SCYL3: variants seen among roughly 807,000 people sequenced by gnomAD.
SCYL3 encodes protein-associating with the carboxyl-terminal domain of ezrin.
A neutral mutation model predicts 73.8 loss-of-function variants in SCYL3; 35 were observed. The observed-to-expected ratio is 0.47, with a 90% CI of 0.36 to 0.63. The LOEUF is 0.63. Ranked by LOEUF, SCYL3 falls within the 20% of genes least tolerant of loss-of-function variation. The pLI is 0.00. For missense variants in SCYL3, 712 were observed against 798.9 expected, an observed-to-expected ratio of 0.89 and a Z score of 1.31; for synonymous variants, 277 against 295.2, an observed-to-expected ratio of 0.94 and a Z score of 0.63.
intron 1 of SCYL3, among the ~76,000 whole-genome samples, chr1:169,889,134 C>T (rs1335641008): frequency 6.6e-6 from 1 of 152,174 alleles, no homozygotes; most frequent in Non-Finnish European, 1.5e-5. Context: ...CCCCAAACTC[C>T]ACCACATACA....
chr1:169,875,712 G>C (rs935292846), intron 4 of SCYL3, among the ~76,000 whole-genome samples: 1 of 152,112 alleles, frequency 6.6e-6, no homozygotes, highest in South Asian at 2.1e-4. Context: ...AGAGAGGAGG[G>C]GCATTTAACT....
chr1:169,873,813 T>C, intron 4 of SCYL3, 61 bp from the exon 5 acceptor site: 1 of 1,164,910 alleles, frequency 8.6e-7, no homozygotes, highest in Non-Finnish European at 1.3e-6. Context: ...ACTAATCTCT[T>C]ACATCAGGTT....
At chr1:169,889,217 C>G (rs1431873668) in intron 1 of SCYL3, among the ~76,000 whole-genome samples, 2 of 152,152 alleles carry the variant, frequency 1.3e-5, no homozygotes, top group African/African-American at 4.8e-5. Context: ...TGTATATCCT[C>G]ACTCACAAAG....
chr1:169,891,291 T>C (rs1662068437), intron 1 of SCYL3, among the ~76,000 whole-genome samples: 1 of 152,162 alleles, frequency 6.6e-6, no homozygotes, highest in South Asian at 2.1e-4. Context: ...AGCTTAGTCA[T>C]ACTTAGGGGG....
Position 169,866,915 on chromosome 1 carries a change from C to T in SCYL3, c.796G>A (p.Glu266Lys). ...LKSLTLKSEE[E>K]KTEFFKFLLD... ...ACTTACTTAAAGAATTCCGTTTTCT[C>T]CTCTTCACTCTTCAATGTTAAACTT... The change falls in exon 8 of 13, where the codon GAG becomes AAG. Residue 266 changes from glutamate to lysine, a missense_variant. Transcript: ENST00000367771. 1.9e-6 allele frequency: 3 copies of T among 1,576,440 alleles called. No homozygotes were observed. In the East Asian group the frequency reaches 6.7e-5, roughly 35 times the overall value.
chr1:169,867,677 C>G (rs1266352520), intron 7 of SCYL3, among the ~76,000 whole-genome samples: 1 of 152,214 alleles, frequency 6.6e-6, no homozygotes, highest in Non-Finnish European at 1.5e-5. Flanking sequence ...GCAAAGATGT[C>G]TAAACTTAAA....
intron 3 of SCYL3, among the ~76,000 whole-genome samples, chr1:169,877,527 A>G (rs756080043): frequency 2.0e-5 from 3 of 152,260 alleles, no homozygotes; most frequent in Non-Finnish European, 4.4e-5. Context: ...ATACTCCAAA[A>G]GATAAATATT....
intron 3 of SCYL3, among the ~76,000 whole-genome samples, chr1:169,878,064 A>T (rs1274060963): frequency 6.6e-6 from 1 of 152,216 alleles, no homozygotes; most frequent in East Asian, 1.9e-4. Flanking sequence ...ACCAGAAGTA[A>T]ACCTAGGAAC....
chr1:169,854,976 A>ATAAT lies in SCYL3; in HGVS notation c.1313-16_1313-13dup. ...AGAAAATGGATCGCCTGTAGGGAAA[A>ATAAT]TAATTATTCTCATAAAATACTGGTT... is the stretch of plus-strand genomic sequence containing the variant. On this transcript the variant is annotated splice_polypyrimidine_tract_variant and intron_variant, in intron 11 of 12. Transcript: ENST00000367771. The ATAAT allele has an allele frequency of 6.5e-7, 1 of 1,548,928 alleles. No individual in the cohort carries two copies. Among genetic ancestry groups the ATAAT allele is most frequent in the Non-Finnish European group, 8.8e-7 (1 of 1,138,132 alleles).
In SCYL3 at chr1:169,849,631, T is replaced by C. The variant is rs777838567; in HGVS notation, c.*4082A>G. The C allele has an allele frequency of 2.7e-6, 4 of 1,507,550 alleles. No individual in the cohort carries two copies. Among genetic ancestry groups the C allele is most frequent in the Non-Finnish European group, 3.7e-6 (4 of 1,085,234 alleles). The allele number at this position is 1,507,550 out of a possible 1,614,324, so 93.4% of individuals were successfully genotyped here. The stretch of plus-strand genomic sequence containing the variant: ...TAATTATAAAACTGATTTATCACAG[T>C]GACTTTCAAACCATTTTAATATTTC... On this transcript the variant is annotated 3_prime_UTR_variant, in exon 13 of 13. Coordinates refer to ENST00000367771, the MANE Select transcript of SCYL3 (RefSeq NM_020423.7).
At chr1:169,870,757 T>TC (rs937912641) in intron 5 of SCYL3, among the ~76,000 whole-genome samples, 5 of 138,446 alleles carry the variant, frequency 3.6e-5, no homozygotes, top group African/African-American at 5.0e-5. Flanking sequence ...CTTTTATTCT[T>TC]TTTTTTTTTA....
At chr1:169,891,012 G>T (rs3753308) in intron 1 of SCYL3, among the ~76,000 whole-genome samples, 106,058 of 152,154 alleles carry the variant, frequency 0.7, 37,160 homozygotes, top group Middle Eastern at 0.87. Flanking sequence ...GTTAATGTTG[G>T]CAGGTACCTA....
At chr1:169,892,111 T>G (rs1446863039) in intron 1 of SCYL3, among the ~76,000 whole-genome samples, 2 of 152,342 alleles carry the variant, frequency 1.3e-5, no homozygotes, top group East Asian at 3.9e-4. Context: ...AAGATTATAT[T>G]GTATGTTCCC....
chr1:169,859,004 T>G, intron 11 of SCYL3, 37 bp downstream of exon 11: 1 of 1,580,950 alleles, frequency 6.3e-7, no homozygotes, highest in Non-Finnish European at 8.6e-7. Flanking sequence ...TCTAAAAAAA[T>G]GACACACAAA....
intron 1 of SCYL3, among the ~76,000 whole-genome samples, chr1:169,891,718 A>G (rs1662099618): frequency 6.6e-6 from 1 of 152,266 alleles, no homozygotes; most frequent in Admixed American, 6.5e-5. Context: ...ATGGGAGATA[A>G]GACTGCCACC....
chr1:169,877,762 G>A (rs371781020), intron 3 of SCYL3, among the ~76,000 whole-genome samples: 1 of 152,164 alleles, frequency 6.6e-6, no homozygotes, highest in Non-Finnish European at 1.5e-5. Context: ...TTTTAACCAT[G>A]TGTATGCACT....
chr1:169,878,591 A>T, intron 3 of SCYL3, 43 bp downstream of exon 3: 11 of 1,474,410 alleles, frequency 7.5e-6, no homozygotes, highest in Non-Finnish European at 9.3e-6. Flanking sequence ...TCCCACCCCC[A>T]TCTACATCAA....
intron 2 of SCYL3, among the ~76,000 whole-genome samples, chr1:169,886,773 T>C (rs1661713715): frequency 6.6e-6 from 1 of 152,240 alleles, no homozygotes; most frequent in Non-Finnish European, 1.5e-5. Flanking sequence ...GATGGTCAGA[T>C]AGAACTAAGT....
intron 2 of SCYL3, among the ~76,000 whole-genome samples, chr1:169,884,305 TTTTG>T (rs1420221788): frequency 6.6e-6 from 1 of 152,146 alleles, no homozygotes; most frequent in Non-Finnish European, 1.5e-5. Context: ...TTTCGTTTTG[TTTTG>T]TTTTTGAGAC....
Sources: gnomAD v4.1 joint callset for allele counts (sites outside exome capture counted in the v4.1 genomes callset) on GRCh38, gnomAD v4.1.1 for gene constraint, MANE v1.5 for transcripts, NCBI Gene and HGNC (gene_info 2026-07-23, HGNC 2026-07-21) for gene names.